The following MUC7 variants were observed in gnomAD, a reference collection of about 807,000 sequenced individuals.
MUC7 encodes the protein mucin 7, secreted.
A neutral mutation model predicts 2.5 loss-of-function variants in MUC7; 2 were observed. That is an observed-to-expected ratio of 0.81 (90% CI 0.33 to 2.55). The LOEUF (loss-of-function observed/expected upper bound fraction) is 2.55. Among genes scored for constraint, MUC7 ranks in the 30% most tolerant of loss-of-function variants. MUC7 has a pLI of 0.11. For synonymous variants in MUC7, 133 were observed against 173.4 expected (o/e 0.77, Z 1.83); for missense variants, 408 against 455.6 (o/e 0.90, Z 0.95).
upstream of MUC7, among the ~76,000 whole-genome samples, chr4:70,469,176 A>T (rs1734763556): frequency 6.6e-6 from 1 of 152,240 alleles, no homozygotes; most frequent in Non-Finnish European, 1.5e-5. Context: ...CTATGTAATA[A>T]ACGGTGTTGG....
chr4:70,459,810 T>A (rs987463683), intron 1 of MUC7, among the ~76,000 whole-genome samples: 2 of 152,192 alleles, frequency 1.3e-5, no homozygotes, highest in Admixed American at 6.5e-5. Flanking sequence ...GGAGCCTGGA[T>A]GTTATCAAAG....
intron 1 of MUC7, among the ~76,000 whole-genome samples, chr4:70,439,931 A>T (rs1363239117): frequency 6.6e-6 from 1 of 152,088 alleles, no homozygotes; most frequent in Non-Finnish European, 1.5e-5. Flanking sequence ...TTCACAACAA[A>T]ACTATGACCA....
intron 1 of MUC7, among the ~76,000 whole-genome samples, chr4:70,458,341 A>C (rs916933174): frequency 6.6e-5 from 10 of 152,142 alleles, no homozygotes; most frequent in African/African-American, 2.4e-4. Flanking sequence ...ATAAATGATG[A>C]ACTAGGAATA....
chr4:70,453,118 T>A (rs2109717188), intron 1 of MUC7, among the ~76,000 whole-genome samples: 1 of 152,186 alleles, frequency 6.6e-6, no homozygotes, highest in Middle Eastern at 3.4e-3. Context: ...TGCTCTAACC[T>A]CTCCCTTGCT....
At chr4:70,456,030 C>T (rs1734402027) in intron 1 of MUC7, among the ~76,000 whole-genome samples, 1 of 152,170 alleles carries the variant, frequency 6.6e-6, no homozygotes, top group Admixed American at 6.5e-5. Context: ...ATCCATATCA[C>T]TATCAACATT....
intron 1 of MUC7, among the ~76,000 whole-genome samples, chr4:70,433,917 G>A (rs534618543): frequency 1.3e-5 from 2 of 152,322 alleles, no homozygotes; most frequent in African/African-American, 4.8e-5. Flanking sequence ...CTAGTTTACT[G>A]AGAGTTTTTA....
chr4:70,460,914 C>T (rs960927950), intron 1 of MUC7, among the ~76,000 whole-genome samples: 1 of 152,184 alleles, frequency 6.6e-6, no homozygotes, highest in South Asian at 2.1e-4. Flanking sequence ...GTGCAAGTTC[C>T]CTATCTGGTG....
chr4:70,480,554 G>T (rs1560559857), intron 2 of MUC7, among the ~76,000 whole-genome samples: 1 of 152,150 alleles, frequency 6.6e-6, no homozygotes, highest in African/African-American at 2.4e-5. Flanking sequence ...ATTCAAGCTA[G>T]AACCCACAGG....
intron 1 of MUC7, among the ~76,000 whole-genome samples, chr4:70,445,852 T>C (rs569211120): frequency 1.3e-5 from 2 of 152,328 alleles, no homozygotes; most frequent in African/African-American, 2.4e-5. Flanking sequence ...TCAAGGAGAA[T>C]GAATGTACAA....
intron 1 of MUC7, among the ~76,000 whole-genome samples, chr4:70,440,542 T>G (rs1733976769): frequency 6.6e-6 from 1 of 152,120 alleles, no homozygotes; most frequent in Non-Finnish European, 1.5e-5. Context: ...GATAGATCAG[T>G]AAGGTGACTA....
chr4:70,469,747 G>C (rs984468730), upstream of MUC7, among the ~76,000 whole-genome samples: 3 of 152,174 alleles, frequency 2.0e-5, no homozygotes, highest in Non-Finnish European at 4.4e-5. Flanking sequence ...TCATTAAAAA[G>C]TCAGGAAACA....
intron 1 of MUC7, among the ~76,000 whole-genome samples, chr4:70,463,189 C>T (rs557530165): frequency 7.4e-6 from 1 of 135,872 alleles, no homozygotes; most frequent in African/African-American, 2.6e-5. Flanking sequence ...AGAAGATACA[C>T]TTCAAACCAC....
At chr4:70,478,524 G>C (rs1479138127) in intron 2 of MUC7, among the ~76,000 whole-genome samples, 1 of 152,210 alleles carries the variant, frequency 6.6e-6, no homozygotes, top group Non-Finnish European at 1.5e-5. Flanking sequence ...GGCACATTAA[G>C]TGACTTGACC....
At chr4:70,442,824 A>G (rs1217746375) in intron 1 of MUC7, among the ~76,000 whole-genome samples, 3 of 152,210 alleles carry the variant, frequency 2.0e-5, no homozygotes, top group Non-Finnish European at 4.4e-5. Context: ...CAAAAACTAG[A>G]CTATTACAAA....
At chr4:70,450,419 C>T (rs1185232539) in intron 1 of MUC7, among the ~76,000 whole-genome samples, 1 of 152,212 alleles carries the variant, frequency 6.6e-6, no homozygotes, top group African/African-American at 2.4e-5. Flanking sequence ...ATGCCTAGGG[C>T]CCACTTGGCC....
chr4:70,475,125 A>G (rs1734959179), intron 2 of MUC7, among the ~76,000 whole-genome samples: 2 of 152,064 alleles, frequency 1.3e-5, no homozygotes, highest in South Asian at 4.1e-4. Context: ...TTAAAAATAC[A>G]AAAATTAGCT....
intron 1 of MUC7, among the ~76,000 whole-genome samples, chr4:70,460,405 C>CA (rs1734525947): frequency 6.7e-6 from 1 of 150,324 alleles, no homozygotes; most frequent in South Asian, 2.1e-4. Context: ...GAAGCAAGAG[C>CA]AAAAAGAAAG....
At chr4:70,470,750 C>T (rs1220254052), upstream of MUC7, among the ~76,000 whole-genome samples, 1 of 152,098 alleles carries the variant, frequency 6.6e-6, no homozygotes, top group African/African-American at 2.4e-5. Flanking sequence ...ATTGTAAATG[C>T]ATATCACTAG....
upstream of MUC7, among the ~76,000 whole-genome samples, chr4:70,468,355 A>T (rs1270065674): frequency 1.3e-5 from 2 of 152,136 alleles, no homozygotes; most frequent in African/African-American, 4.8e-5. Flanking sequence ...AGCACAAGAC[A>T]AGGATGCCCT....
Sources: allele counts gnomAD v4.1 joint callset (sites outside exome capture counted in the v4.1 genomes callset), GRCh38; gene constraint gnomAD v4.1.1; transcripts MANE v1.5; gene names NCBI Gene and HGNC (gene_info 2026-07-23, HGNC 2026-07-21).